The following NRG1 variants were observed in gnomAD, a reference collection of about 807,000 sequenced individuals.
The protein encoded by NRG1 is pro-neuregulin-1, membrane-bound isoform.
A neutral mutation model predicts 63.8 loss-of-function variants in NRG1; 18 were observed. The ratio of observed to expected loss-of-function variants is 0.28; its 90% confidence interval spans 0.19 to 0.42. The LOEUF (loss-of-function observed/expected upper bound fraction) is 0.42, where lower values mean the gene tolerates loss of function less well. NRG1 is among the 10% of genes least tolerant of loss of function. The pLI, the probability that NRG1 is intolerant of heterozygous loss-of-function variation, is 1.00. For synonymous variants in NRG1, 302 were observed against 301.3 expected (o/e 1.00, Z -0.02); for missense variants, 762 against 814.7 (o/e 0.94, Z 0.79).
intron 1 of NRG1, among the ~76,000 whole-genome samples, chr8:32,342,659 C>T (rs890620468): frequency 6.6e-6 from 1 of 152,162 alleles, no homozygotes; most frequent in Admixed American, 6.5e-5. Context: ...TATTCATATT[C>T]ATAGCATAAA....
chr8:31,660,908 T>A (rs551349631), intron 1 of NRG1, among the ~76,000 whole-genome samples: 5 of 152,220 alleles, frequency 3.3e-5, no homozygotes, highest in Non-Finnish European at 7.3e-5. Flanking sequence ...TAATTGTTTT[T>A]GCATGTTTTA....
chr8:31,887,224 C>A (rs571256534), intron 1 of NRG1, among the ~76,000 whole-genome samples: 1 of 151,778 alleles, frequency 6.6e-6, no homozygotes, highest in African/African-American at 2.4e-5. Flanking sequence ...GTGATAGAGA[C>A]CAACAATTTG....
chr8:32,314,190 G>A (rs1403478805), intron 1 of NRG1, among the ~76,000 whole-genome samples: 4 of 150,080 alleles, frequency 2.7e-5, no homozygotes, highest in Non-Finnish European at 3.0e-5. Context: ...CTGTTAAGTG[G>A]AAAAAAAAAA....
chr8:32,163,571 C>T (rs1018188351), intron 1 of NRG1, among the ~76,000 whole-genome samples: 1 of 152,188 alleles, frequency 6.6e-6, no homozygotes. Flanking sequence ...CTTTTACTTG[C>T]TCACTGCCTA....
chr8:32,622,019 A>C (rs779930335), intron 5 of NRG1, among the ~76,000 whole-genome samples: 4 of 152,230 alleles, frequency 2.6e-5, no homozygotes, highest in Non-Finnish European at 4.4e-5. Flanking sequence ...AGTTGTACCC[A>C]AGTGATCTTC....
At chr8:32,505,939 G>A (rs746319557) in intron 1 of NRG1, among the ~76,000 whole-genome samples, 1 of 152,134 alleles carries the variant, frequency 6.6e-6, no homozygotes, top group Non-Finnish European at 1.5e-5. Flanking sequence ...AACCACCTGT[G>A]CTTCCCAGTG....
chr8:31,816,663 A>G (rs1427092654), intron 1 of NRG1, among the ~76,000 whole-genome samples: 1 of 152,168 alleles, frequency 6.6e-6, no homozygotes, highest in Non-Finnish European at 1.5e-5. Flanking sequence ...AGTTTGAATG[A>G]TTTTTCTTAA....
chr8:32,670,477 G>A (rs1805348646), intron 5 of NRG1, among the ~76,000 whole-genome samples: 1 of 151,926 alleles, frequency 6.6e-6, no homozygotes, highest in Non-Finnish European at 1.5e-5. Context: ...GTGATATTTT[G>A]GGAGTTATTC....
intron 1 of NRG1, among the ~76,000 whole-genome samples, chr8:31,992,091 T>G (rs1057234349): frequency 5.3e-5 from 8 of 151,766 alleles, no homozygotes; most frequent in African/African-American, 1.7e-4. Flanking sequence ...TCCAAGCACT[T>G]TGAGAGGCTG....
At chr8:31,879,131 C>G in intron 1 of NRG1, among the ~76,000 whole-genome samples, 1 of 152,170 alleles carries the variant, frequency 6.6e-6, no homozygotes. Context: ...GATGACCACT[C>G]ACCTGCAAGG....
At chr8:31,971,668 T>C (rs1807297692) in intron 1 of NRG1, among the ~76,000 whole-genome samples, 1 of 152,158 alleles carries the variant, frequency 6.6e-6, no homozygotes, top group Non-Finnish European at 1.5e-5. Flanking sequence ...CACCATGTTT[T>C]TATGTACCAC....
chr8:31,868,881 A>G (rs186104130), intron 1 of NRG1, among the ~76,000 whole-genome samples: 48 of 152,356 alleles, frequency 3.2e-4, no homozygotes, highest in African/African-American at 8.9e-4. Flanking sequence ...TCCATGGTCT[A>G]TGCACTTAGC....
intron 1 of NRG1, among the ~76,000 whole-genome samples, chr8:31,956,050 AAAAC>A (rs1436218438): frequency 6.7e-6 from 1 of 148,992 alleles, no homozygotes; most frequent in African/African-American, 2.6e-5. Flanking sequence ...CAAAAAAAAA[AAAAC>A]AAAAAAACAA....
At chr8:32,763,700 T>C (rs778287636) in intron 11 of NRG1, 48 bp from the exon 12 acceptor site, 1 of 1,499,700 alleles carries the variant, frequency 6.7e-7, no homozygotes, top group Non-Finnish European at 8.9e-7. Flanking sequence ...CCCTGCTATG[T>C]GCCTCTTATT....
chr8:32,367,228 T>A (rs1808188271), intron 1 of NRG1, among the ~76,000 whole-genome samples: 2 of 152,200 alleles, frequency 1.3e-5, no homozygotes, highest in African/African-American at 4.8e-5. Context: ...TTTTCTACAG[T>A]GGTTGTACTA....
intron 1 of NRG1, among the ~76,000 whole-genome samples, chr8:32,352,885 T>A (rs1473122715): frequency 2.8e-5 from 4 of 141,860 alleles, no homozygotes; most frequent in African/African-American, 1.0e-4. Flanking sequence ...CTCAATTTTT[T>A]AAAATATATA....
At chr8:32,083,546 A>T (rs1827798330) in intron 1 of NRG1, among the ~76,000 whole-genome samples, 1 of 152,124 alleles carries the variant, frequency 6.6e-6, no homozygotes, top group Non-Finnish European at 1.5e-5. Context: ...CATGAGCAAG[A>T]TTTGGCTTAG....
chr8:32,483,876 G>A (rs1164500160), intron 1 of NRG1, among the ~76,000 whole-genome samples: 14 of 152,240 alleles, frequency 9.2e-5, no homozygotes, highest in African/African-American at 2.9e-4. Flanking sequence ...GGGCCGAGGC[G>A]GGCAGATCAC....
At chr8:31,889,614 A>C (rs1426605249) in intron 1 of NRG1, among the ~76,000 whole-genome samples, 2 of 152,176 alleles carry the variant, frequency 1.3e-5, no homozygotes, top group Non-Finnish European at 2.9e-5. Flanking sequence ...GACAAACAGA[A>C]AGTGAGGTGA....
Sources: gnomAD v4.1 joint callset for allele counts (sites outside exome capture counted in the v4.1 genomes callset) on GRCh38, gnomAD v4.1.1 for gene constraint, MANE v1.5 for transcripts, NCBI Gene and HGNC (gene_info 2026-07-23, HGNC 2026-07-21) for gene names.